EXTL3: variants seen among roughly 807,000 people sequenced by gnomAD.
The protein encoded by EXTL3 is exostosin like glycosyltransferase 3.
EXTL3 carries 27 observed loss-of-function variants against 69.3 expected under a neutral mutation model. That is an observed-to-expected ratio of 0.39 (90% confidence interval 0.29 to 0.54). EXTL3 has a LOEUF of 0.54. Ranked by LOEUF, EXTL3 falls within the 20% of genes least tolerant of loss-of-function variation. The probability of loss-of-function intolerance (pLI) is 0.69; values close to 1 mark genes in which losing one functional copy is unlikely to be tolerated. For synonymous variants in EXTL3, 511 were observed against 499.4 expected, an observed-to-expected ratio of 1.02 and a Z score of -0.31; for missense variants, 1,003 against 1,231.8, an observed-to-expected ratio of 0.81 and a Z score of 2.78.
At chr8:28,608,280 C>T (rs1220409805) in intron 2 of EXTL3, among the ~76,000 whole-genome samples, 2 of 152,012 alleles carry the variant, frequency 1.3e-5, no homozygotes, top group Admixed American at 6.5e-5. Flanking sequence ...AACTCACCCA[C>T]GCTCCTGTGA....
chr8:28,621,149 A>C (rs1329862473), upstream of EXTL3, among the ~76,000 whole-genome samples: 2 of 152,024 alleles, frequency 1.3e-5, no homozygotes, highest in African/African-American at 4.8e-5. Flanking sequence ...CTCCTTCCCC[A>C]CTGACAGGCT....
At chr8:28,629,415 C>A (rs1806540333) in intron 1 of EXTL3, among the ~76,000 whole-genome samples, 1 of 151,736 alleles carries the variant, frequency 6.6e-6, no homozygotes, top group Non-Finnish European at 1.5e-5. Context: ...TGAGTTAGTT[C>A]ATTCATTCAT....
intron 1 of EXTL3, among the ~76,000 whole-genome samples, chr8:28,626,850 C>T (rs1055416895): frequency 1.3e-5 from 2 of 152,176 alleles, no homozygotes; most frequent in African/African-American, 2.4e-5. Context: ...GGAGTGAGAC[C>T]GCAGTGCCTG....
chr8:28,679,742 AAAAAG>A (rs1228484523), intron 1 of EXTL3, among the ~76,000 whole-genome samples: 2 of 152,070 alleles, frequency 1.3e-5, no homozygotes, highest in African/African-American at 4.8e-5. Context: ...AAAAAAAAAA[AAAAAG>A]AATGTCCAGC....
intron 1 of EXTL3, among the ~76,000 whole-genome samples, chr8:28,695,407 A>C (rs890886567): frequency 1.3e-5 from 2 of 152,094 alleles, no homozygotes; most frequent in African/African-American, 4.8e-5. Context: ...GATTATGAGG[A>C]TTTTTTAAAT....
upstream of EXTL3, among the ~76,000 whole-genome samples, chr8:28,622,246 G>C (rs1806419150): frequency 6.6e-6 from 1 of 152,248 alleles, no homozygotes; most frequent in Non-Finnish European, 1.5e-5. Context: ...CGCTAAGCGG[G>C]AGGTAGCCCC....
chr8:28,691,787 C>T (rs1044308156), intron 1 of EXTL3, among the ~76,000 whole-genome samples: 21 of 151,816 alleles, frequency 1.4e-4, no homozygotes, highest in Non-Finnish European at 1.9e-4. Flanking sequence ...ATCCCAGCTA[C>T]TCGGGAGGCT....
intron 1 of EXTL3, among the ~76,000 whole-genome samples, chr8:28,675,643 A>G (rs1183322815): frequency 6.6e-6 from 1 of 152,240 alleles, no homozygotes; most frequent in Non-Finnish European, 1.5e-5. Flanking sequence ...TGGAAGGAAC[A>G]TAAAGTTGGA....
chr8:28,618,971 A>T (rs1463878155), upstream of EXTL3, among the ~76,000 whole-genome samples: 2 of 151,570 alleles, frequency 1.3e-5, no homozygotes, highest in Admixed American at 1.3e-4. Flanking sequence ...ACGTGCCTGT[A>T]GTCCCAGCTA....
At chr8:28,683,872 T>C (rs1807532872) in intron 1 of EXTL3, among the ~76,000 whole-genome samples, 1 of 152,098 alleles carries the variant, frequency 6.6e-6, no homozygotes, top group South Asian at 2.1e-4. Context: ...CTAGATCTTA[T>C]TCATTGTTTC....
intron 3 of EXTL3, among the ~76,000 whole-genome samples, chr8:28,718,768 C>CT (rs140402394): frequency 0.015 from 2,259 of 152,254 alleles, 48 homozygotes; most frequent in African/African-American, 0.052. Context: ...TCATAGAAGT[C>CT]TTTTGGAAGA....
chr8:28,611,201 G>C (rs544681011), intron 2 of EXTL3, among the ~76,000 whole-genome samples: 1 of 152,264 alleles, frequency 6.6e-6, no homozygotes, highest in Non-Finnish European at 1.5e-5. Flanking sequence ...GTATAATCCC[G>C]GCACTCTAGG....
Position 28,662,661 on chromosome 8 carries a change from C to T in EXTL3, c.-53+39851C>T, listed in dbSNP as rs547541795. On this transcript the variant is annotated intron_variant, in intron 1 of 6. Transcript: ENST00000523149. ...AGGCTTGGTGGTTCACGTCTGTAATCCCAGCACTTTGGGAGGCCAAGGCGG... is the reference window on the plus strand; with the variant it reads ...AGGCTTGGTGGTTCACGTCTGTAATTCCAGCACTTTGGGAGGCCAAGGCGG... 1.2e-4 allele frequency among the ~76,000 whole-genome samples: 19 copies of T among 152,296 alleles called. No individual in the cohort carries two copies. In the South Asian group the frequency reaches 2.9e-3, roughly 23 times the overall value.
intron 1 of EXTL3, among the ~76,000 whole-genome samples, chr8:28,677,745 A>C (rs956691351): frequency 2.0e-5 from 3 of 152,316 alleles, no homozygotes; most frequent in Admixed American, 1.3e-4. Flanking sequence ...CGAAAAAAAA[A>C]CACAACCACC....
chr8:28,611,602 T>C (rs1255218773), intron 2 of EXTL3, among the ~76,000 whole-genome samples: 7 of 152,204 alleles, frequency 4.6e-5, no homozygotes, highest in Non-Finnish European at 7.3e-5. Context: ...ATGATCTCCA[T>C]GCTTTCACAG....
At chr8:28,659,067 G>A (rs1237088407) in intron 1 of EXTL3, among the ~76,000 whole-genome samples, 1 of 152,190 alleles carries the variant, frequency 6.6e-6, no homozygotes, top group Non-Finnish European at 1.5e-5. Flanking sequence ...ATTCCCAGAA[G>A]TTAAATTACC....
In EXTL3 at chr8:28,754,033, C is replaced by CGTGTGTGTGT. The variant is rs71549699; in HGVS notation, c.*3186_*3195dup. On this transcript the variant is annotated 3_prime_UTR_variant, in exon 7 of 7. Coordinates refer to ENST00000220562, the MANE Select transcript of EXTL3 (RefSeq NM_001440.4). ...AATTTTTTCATGGGAATTTAAAATG[C>CGTGTGTGTGT]GTGTGTGTGTGTGTGTGTGTGTGTG... The CGTGTGTGTGT allele has an allele frequency of 0.037, 5,327 of 142,224 alleles. 290 individuals carry two copies. The highest frequency in any genetic ancestry group is 0.11 in the African/African-American group (4,521 of 39,846). 8.8% of individuals were successfully genotyped at this position (142,224 alleles called of 1,614,324 possible). A position where few individuals can be genotyped will look rare whatever the true frequency, so the allele number is the denominator to read the frequency against.
At chr8:28,713,745 A>G (rs1259065810) in intron 2 of EXTL3, among the ~76,000 whole-genome samples, 195 bp downstream of exon 2, 5 of 152,156 alleles carry the variant, frequency 3.3e-5, no homozygotes, top group Admixed American at 2.6e-4. Flanking sequence ...CCAAGTTTAG[A>G]TTATCCAAAT....
chr8:28,747,710 T>A (rs1030742914), intron 6 of EXTL3, among the ~76,000 whole-genome samples: 9 of 150,990 alleles, frequency 6.0e-5, no homozygotes, highest in African/African-American at 2.2e-4. Context: ...AATACGTATA[T>A]ATGTATTTTT....
Sources: allele counts gnomAD v4.1 joint callset (sites outside exome capture counted in the v4.1 genomes callset), GRCh38; gene constraint gnomAD v4.1.1; transcripts MANE v1.5; gene names NCBI Gene and HGNC (gene_info 2026-07-23, HGNC 2026-07-21).